Variants in GLMN observed in about 807,000 individuals in gnomAD.
GLMN encodes glomulin.
A neutral mutation model predicts 87.8 loss-of-function variants in GLMN; 75 were observed. The ratio of observed to expected loss-of-function variants is 0.85; its 90% confidence interval spans 0.71 to 1.04. The LOEUF (loss-of-function observed/expected upper bound fraction) is 1.04, where lower values mean the gene tolerates loss of function less well. GLMN is among the 50% of genes least tolerant of loss of function. GLMN has a pLI of 0.00. For missense variants in GLMN, 588 were observed against 658.8 expected (o/e 0.89, Z 1.18); for synonymous variants, 206 against 221.6 (o/e 0.93, Z 0.63).
chr1:92,297,557 AC>A, intron 2 of GLMN, 28 bp from the exon 3 acceptor site: 1 of 1,556,890 alleles, frequency 6.4e-7, no homozygotes, highest in Non-Finnish European at 8.8e-7. Context: ...AACCCAAAAA[AC>A]AAACAAAAAA....
chr1:92,354,246 G>A, the GLMN span, among the ~76,000 whole-genome samples: 4 of 152,138 alleles, frequency 2.6e-5, no homozygotes, highest in African/African-American at 9.7e-5. Context: ...CTTAGCATCG[G>A]GGTCTGCCAC....
the GLMN span, among the ~76,000 whole-genome samples, chr1:92,330,757 G>A: frequency 6.6e-6 from 1 of 152,064 alleles, no homozygotes; most frequent in Admixed American, 6.6e-5. Flanking sequence ...TGGCCTGTGG[G>A]TAGTCAATTT....
At chr1:92,363,109 T>G in the GLMN span, among the ~76,000 whole-genome samples, 7 of 152,292 alleles carry the variant, frequency 4.6e-5, no homozygotes, top group Middle Eastern at 3.4e-3. Flanking sequence ...CTTTTTATAA[T>G]TTGAAGGAGT....
At chr1:92,325,494 C>T in the GLMN span, among the ~76,000 whole-genome samples, 1 of 152,074 alleles carries the variant, frequency 6.6e-6, no homozygotes, top group South Asian at 2.1e-4. Context: ...CTTATTTTAT[C>T]ATTTTGTCCT....
chr1:92,266,976 T>C (rs1373659402), intron 11 of GLMN, among the ~76,000 whole-genome samples: 1 of 152,208 alleles, frequency 6.6e-6, no homozygotes, highest in African/African-American at 2.4e-5. Context: ...CAAACGATAA[T>C]TTTCAATTAT....
chr1:92,248,606 A>G (rs1011346212), intron 16 of GLMN, among the ~76,000 whole-genome samples: 24 of 152,188 alleles, frequency 1.6e-4, no homozygotes, highest in African/African-American at 5.8e-4. Context: ...ATCCATTGGT[A>G]CTTCCAGTTT....
chr1:92,304,427 A>C, the GLMN span: 4 of 714,198 alleles, frequency 5.6e-6, no homozygotes, highest in Admixed American at 2.9e-5. Flanking sequence ...ATGGCAATTA[A>C]TTTTTAATGA....
In GLMN at chr1:92,297,451, C is replaced by G. The variant is rs139890038; in HGVS notation, c.118G>C (p.Gly40Arg). Reference protein sequence around the residue: ...QLAGQRCIEEGHTDQLLEIIQ... With the variant: ...QLAGQRCIEERHTDQLLEIIQ... ...ATTTCTAATAGCTGGTCTGTGTGCC[C>G]TTCTTCTATGCATCTTTGCCCAGCT... The change falls in exon 3 of 19, where the codon GGG becomes CGG. Residue 40 changes from glycine (G) to arginine (R), a missense_variant. Transcript: ENST00000370360. 145 of 1,609,962 alleles carry G rather than the reference C, an allele frequency of 9.0e-5. No individual in the cohort carries two copies. Among genetic ancestry groups the G allele is most frequent in the Middle Eastern group, 1.7e-4 (1 of 6,030 alleles).
chr1:92,250,220 A>G (rs1274109101), intron 16 of GLMN, among the ~76,000 whole-genome samples: 2 of 152,182 alleles, frequency 1.3e-5, no homozygotes, highest in Non-Finnish European at 2.9e-5. Flanking sequence ...AATACTAGAT[A>G]TGGCTGAAAT....
intron 4 of GLMN, 115 bp downstream of exon 4, chr1:92,291,303 T>C (rs1256171101): frequency 1.1e-6 from 1 of 932,908 alleles, no homozygotes; most frequent in Non-Finnish European, 1.7e-6. Flanking sequence ...AACGAGTTCC[T>C]TTCTGCATGT....
chr1:92,330,417 T>G, the GLMN span, among the ~76,000 whole-genome samples: 4 of 151,522 alleles, frequency 2.6e-5, no homozygotes, highest in Non-Finnish European at 5.9e-5. Flanking sequence ...TCTTTTCCTC[T>G]GATTTTCTTT....
At chr1:92,293,923 C>T (rs774258264) in intron 3 of GLMN, among the ~76,000 whole-genome samples, 1 of 148,712 alleles carries the variant, frequency 6.7e-6, no homozygotes, top group Non-Finnish European at 1.5e-5. Context: ...AACTCACGGA[C>T]GTAGAGAGTA....
chr1:92,246,928 T>C (rs1340673458), intron 18 of GLMN, 134 bp downstream of exon 18: 1 of 728,036 alleles, frequency 1.4e-6, no homozygotes, highest in Non-Finnish European at 2.5e-6. Context: ...GAATCTGAGG[T>C]GGGTGGATCA....
chr1:92,273,545 A>C (rs1037653876), intron 7 of GLMN, among the ~76,000 whole-genome samples: 1 of 149,428 alleles, frequency 6.7e-6, no homozygotes, highest in Non-Finnish European at 1.5e-5. Flanking sequence ...CCCCAGGCTC[A>C]AGCAATCCAC....
chr1:92,276,766 A>G (rs1309273843), intron 7 of GLMN, among the ~76,000 whole-genome samples: 2 of 152,196 alleles, frequency 1.3e-5, no homozygotes, highest in Non-Finnish European at 2.9e-5. Flanking sequence ...AGCATCCTTA[A>G]AGACTTACAG....
intron 9 of GLMN, 133 bp downstream of exon 9, chr1:92,269,590 T>A (rs549272105): frequency 1.6e-4 from 107 of 679,364 alleles, no homozygotes; most frequent in Middle Eastern, 1.5e-3. Flanking sequence ...CGTGAATTAT[T>A]TGCCTCGCTG....
chr1:92,280,839 G>A lies in GLMN; in HGVS notation c.735+5651C>T, dbSNP rs189409234. Among the ~76,000 whole-genome samples the A allele has an allele frequency of 1.8e-4, 28 of 152,314 alleles. No homozygotes were observed. The East Asian group carries it at 2.7e-3, about 15-fold the overall frequency. ...GACGCATGCACAAGCTTCAATAGCC[G>A]ATTTGATCAAGTGGAAGAAAGGGTA... On this transcript the variant is annotated intron_variant, in intron 7 of 18. Transcript: ENST00000370360.
the GLMN span, among the ~76,000 whole-genome samples, chr1:92,307,801 A>G: frequency 6.6e-6 from 1 of 152,070 alleles, no homozygotes; most frequent in Non-Finnish European, 1.5e-5. Context: ...AATACTGGCA[A>G]TGTTTTACTA....
chr1:92,286,220 T>C (rs1648730004), intron 7 of GLMN, among the ~76,000 whole-genome samples: 1 of 150,604 alleles, frequency 6.6e-6, no homozygotes, highest in African/African-American at 2.4e-5. Context: ...AAAAGGTAGA[T>C]TACAAGATTA....
Sources: gnomAD v4.1 joint callset for allele counts (sites outside exome capture counted in the v4.1 genomes callset) on GRCh38, gnomAD v4.1.1 for gene constraint, MANE v1.5 for transcripts, NCBI Gene and HGNC (gene_info 2026-07-23, HGNC 2026-07-21) for gene names.